The following ADK variants were observed in gnomAD, a reference collection of about 807,000 sequenced individuals.
The protein encoded by ADK is adenosine kinase, also known as N6,N6-dimethyladenosine kinase.
In ADK, 24 loss-of-function variants were observed where a neutral mutation model predicts 44.7. That is an observed-to-expected ratio of 0.54 (90% confidence interval 0.39 to 0.76). The LOEUF (loss-of-function observed/expected upper bound fraction) is 0.76. Among genes scored for constraint, ADK ranks in the 30% least tolerant of loss-of-function variants. ADK has a pLI of 0.00. For missense variants in ADK, 321 were observed against 425.1 expected, an observed-to-expected ratio of 0.76 and a Z score of 2.15; for synonymous variants, 128 against 142.6, an observed-to-expected ratio of 0.90 and a Z score of 0.73.
chr10:74,233,359 T>C (rs1844849381), intron 3 of ADK, among the ~76,000 whole-genome samples: 1 of 152,130 alleles, frequency 6.6e-6, no homozygotes. Flanking sequence ...ACCACCTTTA[T>C]GGGCCTTTAG....
chr10:74,439,816 ATAATCACAGAT>A (rs1257985164), intron 6 of ADK, among the ~76,000 whole-genome samples: 5 of 152,064 alleles, frequency 3.3e-5, no homozygotes, highest in Non-Finnish European at 7.4e-5. Context: ...TCAATTTGAA[ATAATCACAGAT>A]TTTCCTTATA....
intron 6 of ADK, among the ~76,000 whole-genome samples, chr10:74,429,013 T>C (rs1215510535): frequency 6.6e-6 from 1 of 152,142 alleles, no homozygotes; most frequent in Non-Finnish European, 1.5e-5. Context: ...TGAACATAGA[T>C]GATAAAGAAA....
rs144448425 is a variant in ADK, at chr10:74,695,193, C to T, written c.965-13128C>T. ...AGACTAGTCTCTCCTATCATTTTTACTTCAGTAAGTGTATATGCCTGTTCT... is the reference window on the plus strand; with the variant it reads ...AGACTAGTCTCTCCTATCATTTTTATTTCAGTAAGTGTATATGCCTGTTCT... On this transcript the variant is annotated intron_variant, in intron 10 of 10. Transcript: ENST00000539909. Among the ~76,000 whole-genome samples the T allele has an allele frequency of 5.3e-3, 812 of 152,168 alleles. 5 individuals are homozygous for T. Among genetic ancestry groups the T allele is most frequent in the African/African-American group, 0.018 (764 of 41,532 alleles).
rs148761344 is a variant in ADK, at chr10:74,611,341, G to A, written c.877+10848G>A. On this transcript the variant is annotated intron_variant, in intron 9 of 10. Coordinates refer to ENST00000539909, the MANE Select transcript of ADK (RefSeq NM_006721.4). ...TGAGCCACCACACCTGGCCTAAATTGTAGACTTTTCTGAACACTCAGAATT... is the reference window on the plus strand; with the variant it reads ...TGAGCCACCACACCTGGCCTAAATTATAGACTTTTCTGAACACTCAGAATT... 6.2e-3 allele frequency among the ~76,000 whole-genome samples: 940 copies of A among 152,156 alleles called. 7 individuals carry two copies. The highest frequency in any genetic ancestry group is 0.022 in the African/African-American group (901 of 41,516).
At chr10:74,677,965 CAAAAAAAAA>C (rs3037448) in intron 10 of ADK, among the ~76,000 whole-genome samples, 69 of 43,072 alleles carry the variant, frequency 1.6e-3, no homozygotes, top group South Asian at 2.9e-3. Context: ...CCAGTCTCTA[CAAAAAAAAA>C]AAAAAAAAAA....
chr10:74,360,251 A>G (rs776042732), intron 4 of ADK, among the ~76,000 whole-genome samples: 21 of 152,058 alleles, frequency 1.4e-4, no homozygotes, highest in Non-Finnish European at 2.2e-4. Context: ...TTTCTTATGT[A>G]TAAGAACACT....
intron 7 of ADK, among the ~76,000 whole-genome samples, chr10:74,582,159 C>CA (rs1156277896): frequency 2.0e-5 from 3 of 151,808 alleles, no homozygotes; most frequent in Non-Finnish European, 4.4e-5. Context: ...CCTGTCTCTA[C>CA]AAAAAAATAC....
chr10:74,565,034 A>C (rs1850603721), intron 7 of ADK, among the ~76,000 whole-genome samples: 1 of 151,962 alleles, frequency 6.6e-6, no homozygotes, highest in Non-Finnish European at 1.5e-5. Context: ...TAGACTTTTT[A>C]CTCTTTTCTT....
intron 7 of ADK, among the ~76,000 whole-genome samples, chr10:74,544,172 C>G (rs1849744897): frequency 6.6e-6 from 1 of 152,164 alleles, no homozygotes; most frequent in Non-Finnish European, 1.5e-5. Flanking sequence ...TTCTTTTACA[C>G]TAGAATGTGT....
chr10:74,179,492 CA>C (rs1842460031), intron 1 of ADK, among the ~76,000 whole-genome samples: 2 of 152,072 alleles, frequency 1.3e-5, no homozygotes, highest in Admixed American at 6.5e-5. Context: ...TCACCAAAAC[CA>C]AGATGGTGAT....
intron 6 of ADK, among the ~76,000 whole-genome samples, chr10:74,454,519 G>A (rs917108364): frequency 7.9e-5 from 12 of 152,004 alleles, no homozygotes; most frequent in Admixed American, 2.6e-4. Context: ...TCCAAGTTGC[G>A]CTGCTTACTA....
intron 10 of ADK, among the ~76,000 whole-genome samples, chr10:74,685,793 G>A (rs1464648610): frequency 6.6e-6 from 1 of 152,140 alleles, no homozygotes; most frequent in African/African-American, 2.4e-5. Context: ...GCAGTATATA[G>A]TAGGGTAGCC....
chr10:74,618,653 G>A (rs1369950274), intron 9 of ADK, among the ~76,000 whole-genome samples: 1 of 152,130 alleles, frequency 6.6e-6, no homozygotes, highest in Admixed American at 6.5e-5. Context: ...AGTTCTCTAT[G>A]TTGGGAGTTA....
chr10:74,393,267 G>A (rs1456069674), intron 4 of ADK, among the ~76,000 whole-genome samples: 1 of 152,082 alleles, frequency 6.6e-6, no homozygotes, highest in Non-Finnish European at 1.5e-5. Flanking sequence ...TTTGCTACCT[G>A]TAAGTCTTTG....
chr10:74,423,823 A>C, intron 6 of ADK: 1 of 299,922 alleles, frequency 3.3e-6, no homozygotes, highest in South Asian at 3.5e-5. Flanking sequence ...GCTGCCCCAG[A>C]TCTCAAACTT....
chr10:74,474,142 G>T (rs1487001904), intron 6 of ADK, among the ~76,000 whole-genome samples: 1 of 151,578 alleles, frequency 6.6e-6, no homozygotes. Flanking sequence ...TTCGAGATGG[G>T]TTCTCACTCT....
chr10:74,591,071 A>G (rs1375039591), intron 8 of ADK, among the ~76,000 whole-genome samples: 7 of 152,178 alleles, frequency 4.6e-5, no homozygotes, highest in African/African-American at 9.6e-5. Flanking sequence ...TAGTATCTAC[A>G]TAGCAGTTTT....
At chr10:74,680,505 T>TTA (rs1309065187) in intron 10 of ADK, among the ~76,000 whole-genome samples, 1 of 151,658 alleles carries the variant, frequency 6.6e-6, no homozygotes, top group Admixed American at 6.6e-5. Context: ...AAATAATCAC[T>TTA]TTCTACTCTG....
chr10:74,252,358 A>G (rs1446768427), intron 3 of ADK, among the ~76,000 whole-genome samples: 1 of 152,208 alleles, frequency 6.6e-6, no homozygotes, highest in Non-Finnish European at 1.5e-5. Flanking sequence ...TGAAACAAGG[A>G]CTTTTTAAGG....
Sources: gnomAD v4.1 joint callset for allele counts (sites outside exome capture counted in the v4.1 genomes callset) on GRCh38, gnomAD v4.1.1 for gene constraint, MANE v1.5 for transcripts, NCBI Gene and HGNC (gene_info 2026-07-23, HGNC 2026-07-21) for gene names.